Variants in EIF3J observed in about 807,000 individuals in gnomAD.
EIF3J encodes eukaryotic translation initiation factor 3, subunit 1 (alpha, 35kD).
A neutral mutation model predicts 39.0 loss-of-function variants in EIF3J; 15 were observed. The ratio of observed to expected loss-of-function variants is 0.38; its 90% confidence interval spans 0.26 to 0.59. The LOEUF (loss-of-function observed/expected upper bound fraction) is 0.59, where lower values mean the gene tolerates loss of function less well. EIF3J is among the 20% of genes least tolerant of loss of function. EIF3J has a pLI of 0.60. For missense variants in EIF3J, 226 were observed against 308.6 expected (o/e 0.73, Z 2.00); for synonymous variants, 98 against 112.9 (o/e 0.87, Z 0.84).
intron 2 of EIF3J, among the ~76,000 whole-genome samples, chr15:44,545,332 A>G (rs1459391354): frequency 1.3e-5 from 2 of 152,188 alleles, no homozygotes; most frequent in Non-Finnish European, 2.9e-5. Flanking sequence ...CTTTTTAAAG[A>G]CCTTCCTTAA....
At chr15:44,559,075 G>C (rs2082168517) in intron 6 of EIF3J, 1 of 152,130 alleles carries the variant, frequency 6.6e-6, no homozygotes, top group Non-Finnish European at 1.5e-5. Flanking sequence ...GAGACATCAT[G>C]GGATAGGGTG....
At chr15:44,539,941 TTC>T (rs1327590893) in intron 2 of EIF3J, among the ~76,000 whole-genome samples, 2 of 145,258 alleles carry the variant, frequency 1.4e-5, no homozygotes, top group African/African-American at 5.2e-5. Context: ...ACATATTTTT[TTC>T]TTTTTTTTTT....
chr15:44,558,346 G>A (rs1413574026), intron 6 of EIF3J, among the ~76,000 whole-genome samples: 1 of 152,236 alleles, frequency 6.6e-6, no homozygotes, highest in East Asian at 1.9e-4. Context: ...GCTCATGCCT[G>A]TAATCCCAGC....
At chr15:44,537,988 C>T (rs1460299829) in intron 2 of EIF3J, among the ~76,000 whole-genome samples, 1 of 152,274 alleles carries the variant, frequency 6.6e-6, no homozygotes, top group Non-Finnish European at 1.5e-5. Flanking sequence ...TCCCTTCCCC[C>T]ACCCTGTGGT....
intron 6 of EIF3J, among the ~76,000 whole-genome samples, chr15:44,558,255 C>G (rs1280640944): frequency 6.6e-6 from 1 of 152,120 alleles, no homozygotes; most frequent in Non-Finnish European, 1.5e-5. Flanking sequence ...GTGATGGAGT[C>G]TTGCATTGCA....
rs1258027908 is a variant in EIF3J, at chr15:44,540,661, G to A, written c.147+3234G>A. The stretch of plus-strand genomic sequence containing the variant: ...TCGCCAAGTTGCCCAGGCTGGTCTC[G>A]AACTCTTGGAGTCAAGTGATCTATC... On this transcript the variant is annotated intron_variant, in intron 2 of 7. Coordinates refer to ENST00000261868, the MANE Select transcript of EIF3J (RefSeq NM_003758.4). 3.9e-5 allele frequency among the ~76,000 whole-genome samples: 6 copies of A among 152,060 alleles called. No homozygotes were observed. In the East Asian group the frequency reaches 1.2e-3, roughly 29 times the overall value.
At chr15:44,546,085 G>C (rs2082050579) in intron 2 of EIF3J, among the ~76,000 whole-genome samples, 2 of 152,186 alleles carry the variant, frequency 1.3e-5, no homozygotes, top group South Asian at 4.1e-4. Context: ...CCTGTGTTCT[G>C]TGAAGATTTA....
chr15:44,552,685 C>T (rs772568912), intron 4 of EIF3J, among the ~76,000 whole-genome samples: 4 of 151,942 alleles, frequency 2.6e-5, no homozygotes, highest in Non-Finnish European at 5.9e-5. Context: ...CCTCAGTCTT[C>T]GAGTAGCTGG....
chr15:44,554,745 T>C, intron 5 of EIF3J, 78 bp downstream of exon 5: 1 of 875,530 alleles, frequency 1.1e-6, no homozygotes, highest in Non-Finnish European at 1.7e-6. Context: ...AACATCTCCT[T>C]TTCTTAAAAG....
At position 44,551,107 on chromosome 15, in the gene EIF3J, A is replaced by G. The variant is rs141409844; in HGVS notation, c.202+177A>G. On this transcript the variant is annotated intron_variant, in intron 3 of 7. Transcript: ENST00000261868. ...TGCAACTTTTCTCTATCGCCTCAAA[A>G]TATAATCAGATTAGATACTTGCTGT... Among the ~76,000 whole-genome samples the G allele has an allele frequency of 2.4e-3, 362 of 152,340 alleles. 2 individuals are homozygous for G. The highest frequency in any genetic ancestry group is 8.3e-3 in the African/African-American group (343 of 41,572).
chr15:44,546,324 C>G (rs2082052556), intron 2 of EIF3J, among the ~76,000 whole-genome samples: 1 of 152,180 alleles, frequency 6.6e-6, no homozygotes, highest in African/African-American at 2.4e-5. Context: ...TAAAAATACA[C>G]TTACTTTTTA....
intron 4 of EIF3J, 37 bp downstream of exon 4, chr15:44,551,559 C>T (rs759766427): frequency 1.4e-5 from 20 of 1,471,388 alleles, no homozygotes; most frequent in African/African-American, 7.1e-5. Context: ...ATTCTCACAT[C>T]GGTAGTGGTA....
intron 2 of EIF3J, among the ~76,000 whole-genome samples, chr15:44,547,437 A>ACTCTTT (rs1437942257): frequency 1.1e-4 from 13 of 118,486 alleles, no homozygotes; most frequent in African/African-American, 3.6e-4. Context: ...GCCGGCCTTG[A>ACTCTTT]TTCTTTTTTT....
At chr15:44,547,800 A>C (rs1461275381) in intron 2 of EIF3J, among the ~76,000 whole-genome samples, 1 of 152,152 alleles carries the variant, frequency 6.6e-6, no homozygotes, top group East Asian at 1.9e-4. Context: ...TTCATTAACC[A>C]GGCTTATGTT....
chr15:44,559,002 C>G (rs1322098317), intron 6 of EIF3J: 1 of 152,136 alleles, frequency 6.6e-6, no homozygotes, highest in Non-Finnish European at 1.5e-5. Context: ...CTGAACAGGA[C>G]TATTTCTTGG....
intron 2 of EIF3J, among the ~76,000 whole-genome samples, chr15:44,546,222 G>C (rs987494775): frequency 1.3e-5 from 2 of 152,110 alleles, no homozygotes; most frequent in African/African-American, 4.8e-5. Context: ...TCTAACTCTA[G>C]TATCACAGTT....
At position 44,561,736 on chromosome 15, in the gene EIF3J, AAAG is replaced by A. The variant is rs1431028040; in HGVS notation, c.*591_*593del. 1.3e-5 allele frequency: 2 copies of A among 152,578 alleles called. No individual in the cohort carries two copies. The highest frequency in any genetic ancestry group is 4.8e-5 in the African/African-American group (2 of 41,460). The allele number at this position is 152,578 out of a possible 1,614,324, so 9.5% of individuals were successfully genotyped here. On this transcript the variant is annotated 3_prime_UTR_variant, in exon 8 of 8. Transcript: ENST00000261868. ...ACCAAAACCCTCCAACTTTGAAGCT[AAAG>A]AAGGTAAACCTTTCCATTATTGCAT... is the stretch of plus-strand genomic sequence containing the variant.
At chr15:44,559,510 A>G (rs897762112) in intron 6 of EIF3J, among the ~76,000 whole-genome samples, 1 of 151,462 alleles carries the variant, frequency 6.6e-6, no homozygotes, top group African/African-American at 2.4e-5. Flanking sequence ...GATCAAGAGC[A>G]TCCTGGCTAA....
At chr15:44,538,362 C>G (rs1451990610) in intron 2 of EIF3J, among the ~76,000 whole-genome samples, 1 of 151,342 alleles carries the variant, frequency 6.6e-6, no homozygotes, top group Non-Finnish European at 1.5e-5. Flanking sequence ...ACAAAGTTCT[C>G]AAAATCTTGT....
Sources: gnomAD v4.1 joint callset for allele counts (sites outside exome capture counted in the v4.1 genomes callset) on GRCh38, gnomAD v4.1.1 for gene constraint, MANE v1.5 for transcripts, NCBI Gene and HGNC (gene_info 2026-07-23, HGNC 2026-07-21) for gene names.